Variants in PARD3 observed in about 807,000 individuals in gnomAD.
PARD3 encodes partitioning defective 3 homolog.
PARD3 carries 75 observed loss-of-function variants against 155.4 expected under a neutral mutation model. The ratio of observed to expected loss-of-function variants is 0.48; its 90% CI spans 0.40 to 0.58. The LOEUF (loss-of-function observed/expected upper bound fraction) is 0.58, where lower values mean the gene tolerates loss of function less well. PARD3 is among the 20% of genes least tolerant of loss of function. The pLI, the probability that PARD3 is intolerant of heterozygous loss-of-function variation, is 0.00. For missense variants in PARD3, 1,642 were observed against 1,721.7 expected (o/e 0.95, Z 0.82); for synonymous variants, 576 against 610.5 (o/e 0.94, Z 0.83).
intron 2 of PARD3, among the ~76,000 whole-genome samples, chr10:34,689,833 G>A (rs568224597): frequency 6.6e-6 from 1 of 152,258 alleles, no homozygotes; most frequent in East Asian, 1.9e-4. Flanking sequence ...ACAGTTAATT[G>A]TGTCAAAACA....
At chr10:34,381,492 G>A (rs775738891) in intron 9 of PARD3, among the ~76,000 whole-genome samples, 15 of 152,170 alleles carry the variant, frequency 9.9e-5, no homozygotes, top group Non-Finnish European at 1.9e-4. Context: ...CCAATAGTTT[G>A]CACTCAACTT....
intron 3 of PARD3, among the ~76,000 whole-genome samples, chr10:34,472,536 A>G (rs191729718): frequency 9.2e-5 from 14 of 152,364 alleles, no homozygotes; most frequent in Non-Finnish European, 1.3e-4. Context: ...AAAAACTTTT[A>G]GACAATGTTA....
chr10:34,115,863 C>G (rs914750256), intron 24 of PARD3, among the ~76,000 whole-genome samples: 2 of 152,026 alleles, frequency 1.3e-5, no homozygotes, highest in African/African-American at 4.8e-5. Flanking sequence ...CACGCGCCCA[C>G]CACCAAGCCT....
chr10:34,323,409 T>G (rs1958495545), intron 19 of PARD3, among the ~76,000 whole-genome samples: 1 of 151,448 alleles, frequency 6.6e-6, no homozygotes, highest in Admixed American at 6.6e-5. Context: ...ATACATGGGG[T>G]GAGAATAATA....
At chr10:34,524,794 T>C (rs1180150154) in intron 2 of PARD3, among the ~76,000 whole-genome samples, 2 of 152,144 alleles carry the variant, frequency 1.3e-5, no homozygotes, top group South Asian at 2.1e-4. Context: ...TACAGATAGG[T>C]TGACTCCAAA....
intron 22 of PARD3, among the ~76,000 whole-genome samples, chr10:34,164,537 G>T (rs1428038526): frequency 6.6e-6 from 1 of 152,190 alleles, no homozygotes; most frequent in Non-Finnish European, 1.5e-5. Context: ...ATTCTCAGCA[G>T]AATATGACAA....
chr10:34,809,942 T>C (rs1478651999), intron 1 of PARD3, among the ~76,000 whole-genome samples: 4 of 152,208 alleles, frequency 2.6e-5, no homozygotes, highest in Non-Finnish European at 5.9e-5. Context: ...TGTAAATGAA[T>C]AACATGCAGT....
chr10:34,577,873 C>T (rs1237287028), intron 2 of PARD3, among the ~76,000 whole-genome samples: 1 of 148,664 alleles, frequency 6.7e-6, no homozygotes, highest in Non-Finnish European at 1.5e-5. Context: ...TTTAAACAGA[C>T]AGGGGTCTCA....
At chr10:34,240,027 C>T (rs1490992396) in intron 22 of PARD3, among the ~76,000 whole-genome samples, 2 of 152,144 alleles carry the variant, frequency 1.3e-5, no homozygotes, top group Non-Finnish European at 2.9e-5. Flanking sequence ...ACTGAGCAAT[C>T]CTATGTGACA....
At chr10:34,736,160 T>C (rs1032952841) in intron 1 of PARD3, among the ~76,000 whole-genome samples, 38 of 151,580 alleles carry the variant, frequency 2.5e-4, no homozygotes, top group Non-Finnish European at 3.7e-4. Context: ...GCCTCCCGAG[T>C]AGCTGGGACT....
intron 2 of PARD3, among the ~76,000 whole-genome samples, chr10:34,584,689 T>G (rs1564380255): frequency 6.6e-6 from 1 of 152,160 alleles, no homozygotes; most frequent in Non-Finnish European, 1.5e-5. Flanking sequence ...AACCTTTTTT[T>G]GAAAACTTCC....
chr10:34,336,330 G>A, intron 17 of PARD3, 87 bp from the exon 18 acceptor site: 1 of 913,188 alleles, frequency 1.1e-6, no homozygotes, highest in Non-Finnish European at 1.8e-6. Flanking sequence ...TTTTAGTTAG[G>A]TGACGATCCT....
intron 5 of PARD3, among the ~76,000 whole-genome samples, chr10:34,412,829 T>G (rs1348140056): frequency 6.6e-6 from 1 of 152,120 alleles, no homozygotes; most frequent in Non-Finnish European, 1.5e-5. Context: ...CAGAAAGAGA[T>G]GCCTTCAGAG....
chr10:34,261,781 A>AAG (rs1955004076), intron 22 of PARD3, among the ~76,000 whole-genome samples: 6 of 131,966 alleles, frequency 4.5e-5, no homozygotes, highest in African/African-American at 1.9e-4. Context: ...AGAAAGAAAG[A>AAG]AAAGAAAGAA....
chr10:34,308,310 G>A (rs958833869), intron 20 of PARD3, among the ~76,000 whole-genome samples: 87 of 152,322 alleles, frequency 5.7e-4, no homozygotes, highest in African/African-American at 2.0e-3. Flanking sequence ...AGCAGGGGTT[G>A]AGGCAGGGAG....
chr10:34,110,847 G>T lies in PARD3; in HGVS notation c.*322C>A. Reference sequence around the variant, plus strand: ...AGGTGAATTTGTCACTGCAAGTGGTGCAGGGATGTTACAACCAAGCCGCGG... The same window carrying T: ...AGGTGAATTTGTCACTGCAAGTGGTTCAGGGATGTTACAACCAAGCCGCGG... On this transcript the variant is annotated 3_prime_UTR_variant, in exon 25 of 25. Coordinates refer to ENST00000374788, the MANE Select transcript of PARD3 (RefSeq NM_001184785.2). 1 of 205,420 alleles carries T rather than the reference G, an allele frequency of 4.9e-6. No individual in the cohort carries two copies. Among genetic ancestry groups the T allele is most frequent in the Non-Finnish European group, 9.7e-6 (1 of 102,604 alleles). The allele number at this position is 205,420 out of a possible 1,614,324, so 12.7% of individuals were successfully genotyped here.
At chr10:34,333,690 T>C (rs980153054) in intron 18 of PARD3, among the ~76,000 whole-genome samples, 1 of 152,100 alleles carries the variant, frequency 6.6e-6, no homozygotes, top group East Asian at 1.9e-4. Context: ...GCCATGCCCA[T>C]GTATTTACAT....
chr10:34,306,849 C>G (rs931704764), intron 20 of PARD3, among the ~76,000 whole-genome samples: 7 of 152,106 alleles, frequency 4.6e-5, no homozygotes, highest in African/African-American at 1.7e-4. Flanking sequence ...TTACCCCCAA[C>G]AGAAGTTTCC....
chr10:34,422,671 G>A (rs1440308239), intron 5 of PARD3, among the ~76,000 whole-genome samples: 1 of 151,990 alleles, frequency 6.6e-6, no homozygotes, highest in Non-Finnish European at 1.5e-5. Flanking sequence ...TAGCCAACAG[G>A]TATATGAAAA....
Sources: allele counts gnomAD v4.1 joint callset (sites outside exome capture counted in the v4.1 genomes callset), GRCh38; gene constraint gnomAD v4.1.1; transcripts MANE v1.5; gene names NCBI Gene and HGNC (gene_info 2026-07-23, HGNC 2026-07-21).